CNOT10: variants seen among roughly 807,000 people sequenced by gnomAD.
CNOT10 encodes CCR4-NOT transcription complex subunit 10, also known as CCR4-NOT transcription complex, subunit 10.
A neutral mutation model predicts 94.6 loss-of-function variants in CNOT10; 30 were observed. The observed-to-expected ratio is 0.32, with a 90% CI of 0.24 to 0.43. The LOEUF (loss-of-function observed/expected upper bound fraction) is 0.43. Ranked by LOEUF, CNOT10 falls within the 20% of genes least tolerant of loss-of-function variation. CNOT10 has a pLI of 1.00. For missense variants in CNOT10, 759 were observed against 877.2 expected, an observed-to-expected ratio of 0.87 and a Z score of 1.70; for synonymous variants, 289 against 301.6, an observed-to-expected ratio of 0.96 and a Z score of 0.43.
At chr3:32,740,094 C>T (rs1443296855) in intron 13 of CNOT10, among the ~76,000 whole-genome samples, 1 of 152,108 alleles carries the variant, frequency 6.6e-6, no homozygotes, top group Admixed American at 6.6e-5. Flanking sequence ...GAGGCTCTGT[C>T]TCTAAAAATA....
At chr3:32,688,167 A>G (rs146273753) in intron 1 of CNOT10, among the ~76,000 whole-genome samples, 87 of 152,358 alleles carry the variant, frequency 5.7e-4, no homozygotes, top group Admixed American at 3.1e-3. Context: ...ATATTCACCA[A>G]TGGCCTGTTT....
chr3:32,736,190 A>G lies in CNOT10; in HGVS notation c.1514+1214A>G, dbSNP rs570011182. ...AACCTCCACCTCACAGGCTCAAGCGATTCTCCTGCCTCAACCCCCTAAATA... is the reference window on the plus strand; with the variant it reads ...AACCTCCACCTCACAGGCTCAAGCGGTTCTCCTGCCTCAACCCCCTAAATA... On this transcript the variant is annotated intron_variant, in intron 12 of 18. Transcript: ENST00000328834. Among the ~76,000 whole-genome samples the G allele has an allele frequency of 6.6e-5, 10 of 152,174 alleles. No homozygotes were observed. The South Asian group carries it at 2.1e-3, about 32-fold the overall frequency.
chr3:32,731,932 G>A (rs556687986), intron 10 of CNOT10, among the ~76,000 whole-genome samples: 54 of 152,070 alleles, frequency 3.6e-4, no homozygotes, highest in African/African-American at 1.3e-3. Flanking sequence ...CAAAAAATTA[G>A]CCAGGTTGTT....
At chr3:32,759,437 C>T in intron 13 of CNOT10, 21 bp from the exon 14 acceptor site, 2 of 1,536,886 alleles carry the variant, frequency 1.3e-6, no homozygotes, top group Non-Finnish European at 1.8e-6. Flanking sequence ...GATTTTCGGC[C>T]CCTTCCCTTT....
chr3:32,720,299 C>G (rs1575236412), intron 8 of CNOT10, 68 bp downstream of exon 8: 2 of 649,060 alleles, frequency 3.1e-6, no homozygotes, highest in East Asian at 5.1e-5. Flanking sequence ...GCTTGTCCAC[C>G]TCCCAACACC....
chr3:32,773,602 G>T lies in CNOT10; in HGVS notation c.2226G>T (p.Gln742His), dbSNP rs1701003978. The T allele has an allele frequency of 6.2e-7, 1 of 1,609,052 alleles. No individual in the cohort carries two copies. Among genetic ancestry groups the T allele is most frequent in the Admixed American group, 1.7e-5 (1 of 58,478 alleles). Reference protein sequence around the residue: ...PIQMPAFTTVQRK With the variant: ...PIQMPAFTTVHRK ...AAATGCCGGCTTTCACCACTGTGCA[G>T]AGAAAGTGATACTTCACTTTTGGAA... The change falls in exon 19 of 19, where the codon CAG becomes CAT. Residue 742 changes from glutamine (Q) to histidine (H), a missense_variant. By Grantham distance (24) the Gln-to-His change is conservative. Transcript: ENST00000328834.
rs1166731027 is a variant in CNOT10 at position 32,754,484 on chromosome 3, A to ATT, written c.1596-4974_1596-4973insTT. 1.2e-4 allele frequency among the ~76,000 whole-genome samples: 6 copies of ATT among 48,448 alleles called. 1 individual carries two copies. Among genetic ancestry groups the ATT allele is most frequent in the Non-Finnish European group, 2.3e-4 (6 of 26,408 alleles). The allele number at this position is 48,448 out of a possible 152,430, so 31.8% of individuals were successfully genotyped here. ...AGAGCAAGACTCCGTCTCAAAAAAAAAAAAAATACATATATATATATATAT... is the reference window on the plus strand; with the variant it reads ...AGAGCAAGACTCCGTCTCAAAAAAAATTAAAAAATACATATATATATATATAT... On this transcript the variant is annotated intron_variant, in intron 13 of 18. Coordinates refer to ENST00000328834, the MANE Select transcript of CNOT10 (RefSeq NM_015442.3).
At position 32,765,646 on chromosome 3, in the gene CNOT10, C is replaced by A. The variant is rs539885112; in HGVS notation, c.2004+837C>A. On this transcript the variant is annotated intron_variant, in intron 17 of 18. Transcript: ENST00000328834. The stretch of plus-strand genomic sequence containing the variant: ...TCCAGCCTGGGCAACTGGAGTGAGA[C>A]CCTGTCCCCCCAAAAAAAAAAGACA... 3.8e-3 allele frequency among the ~76,000 whole-genome samples: 177 copies of A among 47,088 alleles called. 74 individuals carry two copies. In the South Asian group the frequency reaches 0.048, roughly 13 times the overall value. 30.9% of individuals were successfully genotyped at this position (47,088 alleles called of 152,430 possible).
chr3:32,746,025 A>G (rs1394713096), intron 13 of CNOT10, among the ~76,000 whole-genome samples: 1 of 152,222 alleles, frequency 6.6e-6, no homozygotes, highest in Non-Finnish European at 1.5e-5. Flanking sequence ...ACAAGTTAAC[A>G]TGGATGAATC....
rs534482816 is a variant in CNOT10 at position 32,744,898 on chromosome 3, G to A, written c.1595+7408G>A. ...TATTTTATTTTATTTATTTTTTTGA[G>A]ACATAGTTTTGCTCTTGTCACCCGG... On this transcript the variant is annotated intron_variant, in intron 13 of 18. Transcript: ENST00000328834. Among the ~76,000 whole-genome samples the A allele has an allele frequency of 6.6e-5, 10 of 151,980 alleles. No individual in the cohort carries two copies. In the East Asian group the frequency reaches 1.9e-3, roughly 29 times the overall value.
At chr3:32,695,151 T>A (rs867579062) in intron 1 of CNOT10, among the ~76,000 whole-genome samples, 8 of 152,198 alleles carry the variant, frequency 5.3e-5, no homozygotes, top group African/African-American at 1.9e-4. Context: ...GCTTTCCCAT[T>A]TCTCCAGCTC....
intron 10 of CNOT10, among the ~76,000 whole-genome samples, chr3:32,728,206 G>A (rs1031688542): frequency 6.6e-6 from 1 of 151,990 alleles, no homozygotes; most frequent in Admixed American, 6.6e-5. Context: ...ATGTTGCCCA[G>A]GCTGGTCTTG....
intron 12 of CNOT10, 148 bp downstream of exon 12, chr3:32,735,124 C>G: frequency 1.5e-6 from 1 of 676,250 alleles, no homozygotes; most frequent in Non-Finnish European, 2.4e-6. Flanking sequence ...ATTTATGTTT[C>G]TGAGTCTTTC....
chr3:32,701,870 G>A (rs987750558), intron 1 of CNOT10, among the ~76,000 whole-genome samples: 1 of 152,146 alleles, frequency 6.6e-6, no homozygotes, highest in Non-Finnish European at 1.5e-5. Context: ...TCGGCTCACT[G>A]CAAGTTCTGC....
Position 32,717,210 on chromosome 3 carries a change from C to G in CNOT10, c.717C>G (p.Ile239Met). 2 of 1,608,750 alleles carry G rather than the reference C, an allele frequency of 1.2e-6. No homozygotes were observed. Among genetic ancestry groups the G allele is most frequent in the Non-Finnish European group, 1.7e-6 (2 of 1,176,640 alleles). Residue 239 changes from isoleucine to methionine, a missense_variant, in exon 7 of 19, where the codon ATC becomes ATG. By Grantham distance (10) the Ile-to-Met change is conservative. This residue lies in a region of CNOT10 where 682 missense variants were observed against 799.4 expected (regional missense o/e 0.85). Transcript: ENST00000328834. ...MKSLKACKREIKSVMNTAGNS... is the reference protein window; with the variant it reads ...MKSLKACKREMKSVMNTAGNS... ...CTCTGAAAGCATGTAAAAGGGAAAT[C>G]AAGTCAGTCATGAATACAGCTGGAA...
intron 1 of CNOT10, chr3:32,687,726 T>C (rs976274017): frequency 6.6e-6 from 1 of 152,264 alleles, no homozygotes; most frequent in Admixed American, 6.6e-5. Context: ...GTGCTGGGAT[T>C]ACAGGCGTGA....
chr3:32,750,520 T>C (rs1450204414), intron 13 of CNOT10, among the ~76,000 whole-genome samples: 1 of 152,044 alleles, frequency 6.6e-6, no homozygotes, highest in Non-Finnish European at 1.5e-5. Flanking sequence ...AGAAGTAATT[T>C]CATAGATTTA....
chr3:32,734,746 G>A, intron 11 of CNOT10, 54 bp from the exon 12 acceptor site: 1 of 1,377,864 alleles, frequency 7.3e-7, no homozygotes, highest in East Asian at 2.3e-5. Flanking sequence ...TAATAAAAGA[G>A]CCTTATTTTA....
At position 32,720,501 on chromosome 3, in the gene CNOT10, T is replaced by A. The variant is rs575068654; in HGVS notation, c.862+270T>A. Among the ~76,000 whole-genome samples the A allele has an allele frequency of 8.6e-5, 13 of 150,960 alleles. No individual in the cohort carries two copies. In the East Asian group the frequency reaches 2.5e-3, roughly 29 times the overall value. On this transcript the variant is annotated intron_variant, in intron 8 of 18. Coordinates refer to ENST00000328834, the MANE Select transcript of CNOT10 (RefSeq NM_015442.3). ...TCCCCTCCCCCACCTTTTTTATTTTTATTTTATTTTATTTTATTTTTTTGG... is the reference window on the plus strand; with the variant it reads ...TCCCCTCCCCCACCTTTTTTATTTTAATTTTATTTTATTTTATTTTTTTGG...
Sources: gnomAD v4.1 joint callset for allele counts (sites outside exome capture counted in the v4.1 genomes callset) on GRCh38, gnomAD v4.1.1 for gene constraint, gnomAD v4.1.1 regional missense constraint, MANE v1.5 for transcripts, NCBI Gene and HGNC (gene_info 2026-07-23, HGNC 2026-07-21) for gene names.